PPARGC1A: variants seen among roughly 807,000 people sequenced by gnomAD.
PPARGC1A encodes peroxisome proliferator-activated receptor gamma coactivator 1-alpha.
Under a neutral mutation model 88.7 loss-of-function variants are expected in PPARGC1A, and 25 were observed. The ratio of observed to expected loss-of-function variants is 0.28; its 90% CI spans 0.21 to 0.39. The LOEUF (loss-of-function observed/expected upper bound fraction) is 0.39. PPARGC1A is among the 10% of genes least tolerant of loss of function. PPARGC1A has a pLI of 1.00. For missense variants in PPARGC1A, 880 were observed against 968.7 expected (o/e 0.91, Z 1.22); for synonymous variants, 363 against 355.6 (o/e 1.02, Z -0.24).
At chr4:24,145,051 G>A in the PPARGC1A span, among the ~76,000 whole-genome samples, 1 of 149,422 alleles carries the variant, frequency 6.7e-6, no homozygotes, top group African/African-American at 2.5e-5. Flanking sequence ...AAGCACATCT[G>A]TTTTATATAA....
At chr4:24,393,759 A>C in the PPARGC1A span, among the ~76,000 whole-genome samples, 1 of 152,300 alleles carries the variant, frequency 6.6e-6, no homozygotes, top group South Asian at 2.1e-4. Flanking sequence ...TATTTGCTTA[A>C]CGTTCTTTTT....
chr4:24,233,446 T>C, the PPARGC1A span, among the ~76,000 whole-genome samples: 2 of 152,196 alleles, frequency 1.3e-5, no homozygotes, highest in Middle Eastern at 3.4e-3. Flanking sequence ...CACCGTCCCA[T>C]TGAAATGGCA....
At chr4:24,367,467 G>A in the PPARGC1A span, among the ~76,000 whole-genome samples, 1 of 152,132 alleles carries the variant, frequency 6.6e-6, no homozygotes, top group African/African-American at 2.4e-5. Flanking sequence ...AAATGAAATG[G>A]GCTTTGCAAT....
chr4:23,967,104 A>G, the PPARGC1A span, among the ~76,000 whole-genome samples: 44 of 152,322 alleles, frequency 2.9e-4, no homozygotes, highest in African/African-American at 1.0e-3. Context: ...AATGAATCCT[A>G]TAGCACCCTA....
chr4:24,266,569 A>G, the PPARGC1A span, among the ~76,000 whole-genome samples: 14 of 152,052 alleles, frequency 9.2e-5, no homozygotes, highest in African/African-American at 3.1e-4. Flanking sequence ...AATAAGTAAG[A>G]ATTTCTGTTG....
chr4:24,008,131 G>C, the PPARGC1A span, among the ~76,000 whole-genome samples: 6 of 152,128 alleles, frequency 3.9e-5, no homozygotes, highest in African/African-American at 1.4e-4. Flanking sequence ...CAGCCCACAC[G>C]GTCTGCCAGA....
chr4:24,402,148 G>A, the PPARGC1A span, among the ~76,000 whole-genome samples: 1 of 152,178 alleles, frequency 6.6e-6, no homozygotes, highest in Non-Finnish European at 1.5e-5. Flanking sequence ...CTGGCCTTCT[G>A]GCCTGCTTGA....
the PPARGC1A span, among the ~76,000 whole-genome samples, chr4:23,951,627 A>G: frequency 5.6e-4 from 85 of 152,178 alleles, no homozygotes; most frequent in Non-Finnish European, 1.0e-3. Context: ...GTCAGGGATG[A>G]GAGTCTCAGG....
the PPARGC1A span, among the ~76,000 whole-genome samples, chr4:24,219,758 G>A: frequency 5.6e-4 from 85 of 152,082 alleles, 1 homozygote; most frequent in Non-Finnish European, 8.5e-4. Context: ...ACCTGGTACC[G>A]GAGGCCATAC....
chr4:24,221,349 C>T, the PPARGC1A span, among the ~76,000 whole-genome samples: 2 of 152,024 alleles, frequency 1.3e-5, no homozygotes, highest in African/African-American at 2.4e-5. Context: ...ATCTTTATGG[C>T]AAACCTAAGA....
chr4:24,335,123 C>T, the PPARGC1A span, among the ~76,000 whole-genome samples: 4 of 152,142 alleles, frequency 2.6e-5, no homozygotes, highest in African/African-American at 9.7e-5. Context: ...AATTGCTAGG[C>T]AGGGGCCCTG....
In PPARGC1A at chr4:23,813,680, C is replaced by T; in HGVS notation, c.1793+10G>A. 1 of 1,531,424 alleles carries T rather than the reference C, an allele frequency of 6.5e-7. No homozygotes were observed. The highest frequency in any genetic ancestry group is 2.3e-5 in the East Asian group (1 of 44,306). The allele number at this position is 1,531,424 out of a possible 1,614,324, so 94.9% of individuals were successfully genotyped here. A position where few individuals can be genotyped will look rare whatever the true frequency, so the allele number is the denominator to read the frequency against. ...ACCTTTTGTGTTATTAGGGTTTTGCCAAGGTTTACCTTGAAGAGGATCTAC... is the reference window on the plus strand; with the variant it reads ...ACCTTTTGTGTTATTAGGGTTTTGCTAAGGTTTACCTTGAAGAGGATCTAC... On this transcript the variant is annotated intron_variant, in intron 8 of 12. Transcript: ENST00000264867.
chr4:24,242,323 C>T, the PPARGC1A span, among the ~76,000 whole-genome samples: 1 of 152,296 alleles, frequency 6.6e-6, no homozygotes, highest in Admixed American at 6.5e-5. Flanking sequence ...CGTCCTGACG[C>T]CCACCCCCAG....
At chr4:24,470,271 G>GACACAC in the PPARGC1A span, among the ~76,000 whole-genome samples, 47 of 72,018 alleles carry the variant, frequency 6.5e-4, no homozygotes, top group South Asian at 2.1e-3. The surrounding 1 kb of genome is among the most constrained non-coding windows in gnomAD (Gnocchi z 5.8). Context: ...CTCATCGACA[G>GACACAC]ACACAGACAC....
chr4:23,960,815 T>C, the PPARGC1A span, among the ~76,000 whole-genome samples: 1 of 152,106 alleles, frequency 6.6e-6, no homozygotes, highest in African/African-American at 2.4e-5. Flanking sequence ...ATAAAATAAT[T>C]AAGCATTACT....
intron 7 of PPARGC1A, among the ~76,000 whole-genome samples, chr4:23,815,810 T>C (rs1256421268): frequency 6.6e-6 from 1 of 152,122 alleles, no homozygotes; most frequent in Non-Finnish European, 1.5e-5. Context: ...GTGAATACCA[T>C]TCAGCAAAAA....
At chr4:23,840,002 G>C (rs1296832739) in intron 2 of PPARGC1A, among the ~76,000 whole-genome samples, 1 of 151,872 alleles carries the variant, frequency 6.6e-6, no homozygotes, top group Non-Finnish European at 1.5e-5. Flanking sequence ...AAACCATATC[G>C]GTTCCTAACT....
chr4:24,072,207 T>C, the PPARGC1A span, among the ~76,000 whole-genome samples: 1 of 149,220 alleles, frequency 6.7e-6, no homozygotes, highest in Non-Finnish European at 1.5e-5. Context: ...TAAATAACCA[T>C]TTTATTTAAA....
At chr4:23,910,133 A>AT in the PPARGC1A span, among the ~76,000 whole-genome samples, 1 of 129,480 alleles carries the variant, frequency 7.7e-6, no homozygotes, top group African/African-American at 2.9e-5. Context: ...ATATATAAAA[A>AT]ATATATATCT....
Sources: allele counts gnomAD v4.1 joint callset (sites outside exome capture counted in the v4.1 genomes callset), GRCh38; gene constraint gnomAD v4.1.1; non-coding constraint Gnocchi (gnomAD v3.1); transcripts MANE v1.5; gene names NCBI Gene and HGNC (gene_info 2026-07-23, HGNC 2026-07-21).